Variants in PTK2B observed in about 807,000 individuals in gnomAD.
PTK2B encodes protein tyrosine kinase 2 beta.
In PTK2B, 71 loss-of-function variants were observed where a neutral mutation model predicts 142.9. The observed-to-expected ratio is 0.50, with a 90% CI of 0.41 to 0.61. PTK2B has a LOEUF of 0.61. Among genes scored for constraint, PTK2B ranks in the 20% least tolerant of loss-of-function variants. The pLI, the probability that PTK2B is intolerant of heterozygous loss-of-function variation, is 0.00. For missense variants in PTK2B, 1,105 were observed against 1,320.4 expected, an observed-to-expected ratio of 0.84 and a Z score of 2.53; for synonymous variants, 519 against 503.4, an observed-to-expected ratio of 1.03 and a Z score of -0.42.
At chr8:27,358,368 G>A (rs1805506829) in intron 1 of PTK2B, among the ~76,000 whole-genome samples, 1 of 152,102 alleles carries the variant, frequency 6.6e-6, no homozygotes, top group African/African-American at 2.4e-5. Flanking sequence ...CTGTGTTTTG[G>A]TGCATATAAG....
At chr8:27,399,014 G>A (rs549347598) in intron 2 of PTK2B, among the ~76,000 whole-genome samples, 10 of 152,202 alleles carry the variant, frequency 6.6e-5, no homozygotes, top group Non-Finnish European at 1.3e-4. Context: ...AGGCACAATT[G>A]TGTCCTGAGA....
chr8:27,330,226 A>G (rs1803662789), intron 1 of PTK2B, among the ~76,000 whole-genome samples: 1 of 152,208 alleles, frequency 6.6e-6, no homozygotes, highest in Non-Finnish European at 1.5e-5. Context: ...CAGTCCCATA[A>G]TTAGGCAGAT....
upstream of PTK2B, chr8:27,311,022 T>C: frequency 6.2e-7 from 1 of 1,609,486 alleles, no homozygotes; most frequent in Non-Finnish European, 8.5e-7. Context: ...AGGGTGTGGT[T>C]GGTGCGCAGG....
chr8:27,448,201 C>T (rs1219089417), intron 24 of PTK2B, among the ~76,000 whole-genome samples: 1 of 152,312 alleles, frequency 6.6e-6, no homozygotes. Flanking sequence ...GGTGGGAAAC[C>T]ACAGGACAAG....
chr8:27,448,213 G>T (rs1235016681), intron 24 of PTK2B, among the ~76,000 whole-genome samples: 1 of 152,260 alleles, frequency 6.6e-6, no homozygotes, highest in Non-Finnish European at 1.5e-5. Flanking sequence ...CAGGACAAGT[G>T]CAAGAACTGT....
In PTK2B at chr8:27,430,911, C is replaced by G; in HGVS notation, c.705C>G (p.Phe235Leu). 1 of 1,614,190 alleles carries G rather than the reference C, an allele frequency of 6.2e-7. No homozygotes were observed. Among genetic ancestry groups the G allele is most frequent in the Non-Finnish European group, 8.5e-7 (1 of 1,180,036 alleles). ...KQFRKMIQQT[F>L]QQYASLREEE... is the part of the protein sequence containing the mutation. ...TCCGGAAGATGATCCAGCAGACCTT[C>G]CAGCAGTACGCCTCGCTCAGGGAGG... is the stretch of plus-strand genomic sequence containing the variant. The change falls in exon 8 of 31, where the codon TTC (phenylalanine) becomes TTG (leucine). Residue 235 changes from phenylalanine (F) to leucine (L), a missense_variant. Phe to Leu is a conservative substitution (Grantham distance 22). Coordinates refer to ENST00000346049, the MANE Select transcript of PTK2B (RefSeq NM_173176.3).
chr8:27,375,991 G>C (rs576023488), intron 1 of PTK2B, among the ~76,000 whole-genome samples: 1 of 152,216 alleles, frequency 6.6e-6, no homozygotes, highest in African/African-American at 2.4e-5. Flanking sequence ...CTGCTCAGCC[G>C]TGCTGTGGGA....
At chr8:27,380,421 G>A (rs1056345391) in intron 1 of PTK2B, among the ~76,000 whole-genome samples, 1 of 152,148 alleles carries the variant, frequency 6.6e-6, no homozygotes, top group Non-Finnish European at 1.5e-5. Flanking sequence ...CTGCCTGCAG[G>A]GGGATTTCTC....
At position 27,391,124 on chromosome 8, in the gene PTK2B, A is replaced by G. The variant is rs147385198; in HGVS notation, c.-37-6424A>G. ...AGGTGAAGTTTCGCTCTTTTCCCCC[A>G]GTCTGGAGTGCAATGGTGCAATCTC... On this transcript the variant is annotated intron_variant, in intron 1 of 30. Coordinates refer to ENST00000346049, the MANE Select transcript of PTK2B (RefSeq NM_173176.3). 6.5e-3 allele frequency among the ~76,000 whole-genome samples: 957 copies of G among 146,856 alleles called. 8 individuals are homozygous for G. Among genetic ancestry groups the G allele is most frequent in the African/African-American group, 0.022 (870 of 39,494 alleles).
rs551202846 is a variant in PTK2B, at chr8:27,432,707, T to G, written c.987+346T>G. Among the ~76,000 whole-genome samples the G allele has an allele frequency of 4.9e-4, 75 of 152,070 alleles. 3 individuals are homozygous for G. In the South Asian group the frequency reaches 0.014, roughly 29 times the overall value. On this transcript the variant is annotated intron_variant, in intron 10 of 30. Coordinates refer to ENST00000346049, the MANE Select transcript of PTK2B (RefSeq NM_173176.3). ...GACATCAAGACCTCAAAAACATGGG[T>G]TTTTTTGTTTGTTTGTTTGTTTGTT...
chr8:27,421,077 A>G (rs1809717279), intron 4 of PTK2B, among the ~76,000 whole-genome samples: 1 of 152,162 alleles, frequency 6.6e-6, no homozygotes, highest in Non-Finnish European at 1.5e-5. Context: ...ACTGTTGTCC[A>G]CTAATCTAGC....
intron 2 of PTK2B, among the ~76,000 whole-genome samples, chr8:27,406,634 T>G (rs926527996): frequency 2.0e-5 from 3 of 152,072 alleles, no homozygotes; most frequent in African/African-American, 7.2e-5. Context: ...AGTTGGCACA[T>G]TGTCATGGTT....
intron 3 of PTK2B, among the ~76,000 whole-genome samples, chr8:27,318,895 C>T (rs1049601331): frequency 2.6e-5 from 4 of 152,108 alleles, no homozygotes; most frequent in Admixed American, 6.5e-5. Context: ...AAGTGATCTG[C>T]CCACCTCAGC....
chr8:27,311,701 T>TA (rs1001265977), exon 1 of PTK2B: 4 of 169,736 alleles, frequency 2.4e-5, no homozygotes, highest in Non-Finnish European at 3.7e-5. Flanking sequence ...GGCTGGGTCT[T>TA]AAAGCACCGT....
chr8:27,337,898 G>C (rs1182428439), intron 1 of PTK2B, among the ~76,000 whole-genome samples: 1 of 152,116 alleles, frequency 6.6e-6, no homozygotes, highest in Non-Finnish European at 1.5e-5. Flanking sequence ...TGGAGTTGCC[G>C]GGTCCTGTGA....
chr8:27,432,006 A>C, intron 9 of PTK2B: 2 of 357,832 alleles, frequency 5.6e-6, no homozygotes, highest in Non-Finnish European at 1.0e-5. Flanking sequence ...TTTTTTTTTT[A>C]CCTTCATCAA....
intron 1 of PTK2B, among the ~76,000 whole-genome samples, chr8:27,379,705 G>T (rs1265881231): frequency 6.6e-6 from 1 of 152,070 alleles, no homozygotes; most frequent in South Asian, 2.1e-4. Flanking sequence ...GTTAATTTAC[G>T]AGTGAGTCTC....
chr8:27,408,028 G>C (rs1808829651), intron 2 of PTK2B, among the ~76,000 whole-genome samples: 2 of 152,296 alleles, frequency 1.3e-5, no homozygotes, highest in South Asian at 4.1e-4. Context: ...TTGAGGGAGA[G>C]AACTGTTGGG....
intron 27 of PTK2B, 89 bp downstream of exon 27, chr8:27,451,598 G>A (rs1811820511): frequency 6.2e-7 from 1 of 1,602,144 alleles, no homozygotes; most frequent in Admixed American, 1.7e-5. Flanking sequence ...GCAGGGAGCA[G>A]CGGAGTCTGT....
Sources: gnomAD v4.1 joint callset for allele counts (sites outside exome capture counted in the v4.1 genomes callset) on GRCh38, gnomAD v4.1.1 for gene constraint, MANE v1.5 for transcripts, NCBI Gene and HGNC (gene_info 2026-07-23, HGNC 2026-07-21) for gene names.